Variants in VASH2 observed in about 807,000 individuals in gnomAD.
VASH2 encodes vasohibin 2, also known as tubulinyl-Tyr carboxypeptidase 2.
VASH2 carries 28 observed loss-of-function variants against 37.2 expected under a neutral mutation model. That is an observed-to-expected ratio of 0.75 (90% CI 0.56 to 1.03). The LOEUF is 1.03. Among genes scored for constraint, VASH2 ranks in the 50% least tolerant of loss-of-function variants. VASH2 has a pLI of 0.00. For missense variants in VASH2, 419 were observed against 459.1 expected (o/e 0.91, Z 0.80); for synonymous variants, 188 against 174.7 (o/e 1.08, Z -0.60).
intron 6 of VASH2, chr1:212,973,529 T>C (rs1310620393): frequency 3.1e-6 from 4 of 1,289,592 alleles, no homozygotes; most frequent in Non-Finnish European, 4.0e-6. Context: ...GGAGTGGAGA[T>C]TCCTGATCAA....
intron 7 of VASH2, among the ~76,000 whole-genome samples, chr1:212,975,403 C>A (rs148833626): frequency 6.6e-6 from 1 of 152,260 alleles, no homozygotes; most frequent in African/African-American, 2.4e-5. Flanking sequence ...GTCAGGTGTT[C>A]CTGGTAGCAA....
chr1:212,967,526 G>A (rs562194629), intron 5 of VASH2: 38 of 1,009,178 alleles, frequency 3.8e-5, no homozygotes, highest in South Asian at 5.5e-5. Flanking sequence ...GCTGAGAAAT[G>A]ACTTTTTTCC....
In VASH2 at chr1:212,959,267, T is replaced by TGG. The variant is rs5780706; in HGVS notation, c.277-1898_277-1897insGG. Among the ~76,000 whole-genome samples the TGG allele has an allele frequency of 8.9e-4, 50 of 56,376 alleles. No homozygotes were observed. The South Asian group carries it at 0.026, about 30-fold the overall frequency. 37.0% of individuals were successfully genotyped at this position (56,376 alleles called of 152,430 possible). A position where few individuals can be genotyped will look rare whatever the true frequency, so the allele number is the denominator to read the frequency against. On this transcript the variant is annotated intron_variant, in intron 2 of 7. Transcript: ENST00000517399. ...ATACGCTTTACATTTTGACTTGCTC[T>TGG]GTGTGTGTGTGTGTGTGTCTCTGTG...
intron 7 of VASH2, among the ~76,000 whole-genome samples, chr1:212,984,441 C>T (rs1338277441): frequency 6.6e-6 from 1 of 152,156 alleles, no homozygotes; most frequent in Non-Finnish European, 1.5e-5. Flanking sequence ...CCTGAGCCTA[C>T]CCTGTAGGCT....
chr1:212,966,976 C>CT, intron 5 of VASH2: 1 of 568,460 alleles, frequency 1.8e-6, no homozygotes, highest in Non-Finnish European at 3.1e-6. Flanking sequence ...AACTGCTGAG[C>CT]TCAAGTGATC....
intron 7 of VASH2, among the ~76,000 whole-genome samples, chr1:212,985,001 G>A (rs1271190976): frequency 6.6e-6 from 1 of 152,108 alleles, no homozygotes; most frequent in Admixed American, 6.5e-5. Flanking sequence ...TTAGGTGTAA[G>A]CTGTAGCTTA....
intron 5 of VASH2, chr1:212,968,985 C>T: frequency 1.0e-6 from 1 of 985,444 alleles, no homozygotes; most frequent in Non-Finnish European, 1.2e-6. Flanking sequence ...TGGAATCACC[C>T]ACGACCTTTT....
At chr1:212,966,543 C>A (rs758199308) in intron 5 of VASH2, among the ~76,000 whole-genome samples, 198 bp downstream of exon 5, 1 of 152,150 alleles carries the variant, frequency 6.6e-6, no homozygotes, top group Non-Finnish European at 1.5e-5. Flanking sequence ...CTTCTTGGAC[C>A]AATATCAGTC....
chr1:212,983,857 G>A (rs1204345516), intron 7 of VASH2, among the ~76,000 whole-genome samples: 3 of 152,154 alleles, frequency 2.0e-5, no homozygotes, highest in Non-Finnish European at 4.4e-5. Flanking sequence ...GAAGGGTGAA[G>A]TTTGCATTGT....
intron 5 of VASH2, chr1:212,968,224 G>C (rs1666908516): frequency 4.6e-5 from 45 of 985,424 alleles, no homozygotes; most frequent in Non-Finnish European, 5.3e-5. Flanking sequence ...TGATTAGGAG[G>C]TTGTGCTTAC....
Position 212,967,138 on chromosome 1 carries a change from A to G in VASH2, c.497+793A>G. On this transcript the variant is annotated intron_variant, in intron 5 of 7. Transcript: ENST00000517399. ...GAACCCACAGCTAAAACAAGGGTCTAGCTTCTCCCACACTTTCTGTTCCAT... is the reference window on the plus strand; with the variant it reads ...GAACCCACAGCTAAAACAAGGGTCTGGCTTCTCCCACACTTTCTGTTCCAT... 2.3e-6 allele frequency: 3 copies of G among 1,304,518 alleles called. No homozygotes were observed. In the African/African-American group the frequency reaches 4.5e-5, roughly 20 times the overall value. The allele number at this position is 1,304,518 out of a possible 1,614,324, so 80.8% of individuals were successfully genotyped here.
At chr1:212,956,606 T>C (rs1475851790) in intron 2 of VASH2, among the ~76,000 whole-genome samples, 1 of 152,202 alleles carries the variant, frequency 6.6e-6, no homozygotes, top group Non-Finnish European at 1.5e-5. Context: ...GGATATGCCC[T>C]GGGCTTTTCT....
chr1:212,966,934 T>C, intron 5 of VASH2: 1 of 411,314 alleles, frequency 2.4e-6, no homozygotes, highest in Non-Finnish European at 4.7e-6. Context: ...AGAGATGAGG[T>C]TTCACCATGT....
chr1:212,973,755 G>A lies in VASH2; in HGVS notation c.880-200G>A, dbSNP rs1340780171. 3.7e-6 allele frequency: 5 copies of A among 1,365,078 alleles called. No homozygotes were observed. The African/African-American group carries it at 7.3e-5, about 20-fold the overall frequency. The allele number at this position is 1,365,078 out of a possible 1,614,324, so 84.6% of individuals were successfully genotyped here. Reference sequence around the variant, plus strand: ...CATCTGTATATCTGTCTTGGAAGTGGTGCCCTTGCTGCTTGACAGTACAGG... The same window carrying A: ...CATCTGTATATCTGTCTTGGAAGTGATGCCCTTGCTGCTTGACAGTACAGG... On this transcript the variant is annotated intron_variant, in intron 6 of 7. Coordinates refer to ENST00000517399, the MANE Select transcript of VASH2 (RefSeq NM_001301056.2).
chr1:212,961,054 G>A (rs1666659285), intron 2 of VASH2, 112 bp from the exon 3 acceptor site: 10 of 999,344 alleles, frequency 1.0e-5, no homozygotes, highest in South Asian at 4.2e-5. Context: ...TGCTGCCATC[G>A]GCTCTCAGGA....
intron 7 of VASH2, among the ~76,000 whole-genome samples, chr1:212,977,691 A>C (rs1667220120): frequency 6.6e-6 from 1 of 152,180 alleles, no homozygotes; most frequent in South Asian, 2.1e-4. Context: ...GGACAGATAG[A>C]TAGGCCCTGC....
intron 7 of VASH2, among the ~76,000 whole-genome samples, chr1:212,979,884 A>C (rs1381574051): frequency 4.6e-5 from 7 of 152,144 alleles, no homozygotes. Flanking sequence ...TTCAAAGGCC[A>C]TCTGTGAACT....
In VASH2 at chr1:212,950,742, T is replaced by A. The variant is rs1204750945; in HGVS notation, c.-205+2T>A. ...AGCCATGAAGCCAACCGTCCCGAGGTAGGATCTTGGAGCTGCCGCGCGCCC... is the reference window on the plus strand; with the variant it reads ...AGCCATGAAGCCAACCGTCCCGAGGAAGGATCTTGGAGCTGCCGCGCGCCC... On this transcript the variant is annotated splice_donor_variant, in intron 1 of 7. Transcript: ENST00000517399. LOFTEE classifies it low-confidence loss of function (5UTR_SPLICE). This position sits in a 1 kb window ranked among gnomAD's most constrained non-coding sequence, Gnocchi z 5.5. 1 of 153,386 alleles carries A rather than the reference T, an allele frequency of 6.5e-6. No individual in the cohort carries two copies. Among genetic ancestry groups the A allele is most frequent in the East Asian group, 1.9e-4 (1 of 5,194 alleles). The allele number at this position is 153,386 out of a possible 1,614,324, so 9.5% of individuals were successfully genotyped here.
intron 3 of VASH2, among the ~76,000 whole-genome samples, chr1:212,964,044 T>A (rs1250679244): frequency 6.6e-6 from 1 of 152,196 alleles, no homozygotes; most frequent in Non-Finnish European, 1.5e-5. Flanking sequence ...TAGTTGTTGT[T>A]CTTAATGCCC....
Sources: gnomAD v4.1 joint callset for allele counts (sites outside exome capture counted in the v4.1 genomes callset) on GRCh38, gnomAD v4.1.1 for gene constraint, Gnocchi (gnomAD v3.1) non-coding constraint, MANE v1.5 for transcripts, NCBI Gene and HGNC (gene_info 2026-07-23, HGNC 2026-07-21) for gene names.